Variants in ZFP64 observed in about 807,000 individuals in gnomAD.
ZFP64 encodes the protein ZFP64 zinc finger protein, also known as zinc finger protein 64.
A neutral mutation model predicts 51.6 loss-of-function variants in ZFP64; 14 were observed. That is an observed-to-expected ratio of 0.27 (90% confidence interval 0.18 to 0.42). The LOEUF (loss-of-function observed/expected upper bound fraction) is 0.42, where lower values mean the gene tolerates loss of function less well. Among genes scored for constraint, ZFP64 ranks in the 10% least tolerant of loss-of-function variants. ZFP64 has a pLI of 1.00. For missense variants in ZFP64, 754 were observed against 906.8 expected, an observed-to-expected ratio of 0.83 and a Z score of 2.16; for synonymous variants, 375 against 361.4, an observed-to-expected ratio of 1.04 and a Z score of -0.43.
intron 5 of ZFP64, among the ~76,000 whole-genome samples, chr20:52,099,254 G>C (rs1351286684): frequency 6.6e-6 from 1 of 151,752 alleles, no homozygotes; most frequent in Non-Finnish European, 1.5e-5. Flanking sequence ...GGGAGAGGTG[G>C]AATAAGATAA....
At chr20:52,166,197 TC>T (rs1474264998) in intron 2 of ZFP64, among the ~76,000 whole-genome samples, 172 bp from the exon 3 acceptor site, 1 of 137,230 alleles carries the variant, frequency 7.3e-6, no homozygotes, top group Non-Finnish European at 1.5e-5. Flanking sequence ...CTAGAGAGCA[TC>T]CGCTGGGAGA....
chr20:52,142,380 A>ACACACACACACACGTG (rs1177138816), intron 5 of ZFP64, among the ~76,000 whole-genome samples: 8 of 81,482 alleles, frequency 9.8e-5, no homozygotes, highest in African/African-American at 3.2e-4. Flanking sequence ...ACACACAGAC[A>ACACACACACACACGTG]CACACACACA....
chr20:52,094,316 G>C (rs778487239), intron 7 of ZFP64, among the ~76,000 whole-genome samples: 1 of 152,246 alleles, frequency 6.6e-6, no homozygotes, highest in Non-Finnish European at 1.5e-5. Flanking sequence ...AACTGTTTCA[G>C]AGCATAGAGA....
At chr20:52,190,172 A>C (rs1213628412) in intron 1 of ZFP64, among the ~76,000 whole-genome samples, 1 of 152,214 alleles carries the variant, frequency 6.6e-6, no homozygotes, top group Non-Finnish European at 1.5e-5. Flanking sequence ...GGAAGGAAGG[A>C]AACCTTTTCT....
rs1397031134 is a variant in ZFP64, at chr20:52,151,699, T to G, written c.*447A>C. ...GTGTTAAAAAAATTATAGTAAGCAG[T>G]ATAAAATTACAATTTATTATGGGGC... On this transcript the variant is annotated 3_prime_UTR_variant, in exon 6 of 6. Coordinates refer to ENST00000216923, the MANE Select transcript of ZFP64 (RefSeq NM_018197.3). The G allele has an allele frequency of 3.0e-6, 3 of 996,734 alleles. No homozygotes were observed. Among genetic ancestry groups the G allele is most frequent in the African/African-American group, 3.5e-5 (2 of 57,368 alleles). 61.7% of individuals were successfully genotyped at this position (996,734 alleles called of 1,614,324 possible).
chr20:52,179,836 C>T (rs1156992674), intron 2 of ZFP64, among the ~76,000 whole-genome samples: 2 of 152,198 alleles, frequency 1.3e-5, no homozygotes, highest in African/African-American at 4.8e-5. Flanking sequence ...CCATCAGAGG[C>T]ACCAGCAAGT....
exon 9 of ZFP64, chr20:52,084,111 A>G (rs2078838710): frequency 6.3e-6 from 1 of 157,734 alleles, no homozygotes; most frequent in South Asian, 2.1e-4. Context: ...GTTATGAAAT[A>G]GAAGTTTTCC....
intron 5 of ZFP64, among the ~76,000 whole-genome samples, chr20:52,138,059 A>ATAAATAAATT (rs1568671776): frequency 6.0e-4 from 79 of 132,356 alleles, no homozygotes; most frequent in African/African-American, 2.2e-3. Flanking sequence ...ATAAATAAGC[A>ATAAATAAATT]AGCCAGGCAT....
chr20:52,124,584 T>C (rs886678875), intron 5 of ZFP64, among the ~76,000 whole-genome samples: 1 of 152,054 alleles, frequency 6.6e-6, no homozygotes, highest in Non-Finnish European at 1.5e-5. Flanking sequence ...TACAAAAATA[T>C]TGTAAAAAAG....
At chr20:52,108,791 G>A (rs1978390132) in intron 5 of ZFP64, among the ~76,000 whole-genome samples, 1 of 151,786 alleles carries the variant, frequency 6.6e-6, no homozygotes. Flanking sequence ...TTACAGGTGT[G>A]AGCCACTGCG....
chr20:52,128,468 T>C (rs1174292241), intron 5 of ZFP64, among the ~76,000 whole-genome samples: 1 of 152,134 alleles, frequency 6.6e-6, no homozygotes, highest in African/African-American at 2.4e-5. Context: ...GCAACTAACC[T>C]GAAAACAGGA....
chr20:52,177,858 C>A (rs982793420), intron 2 of ZFP64, among the ~76,000 whole-genome samples: 8 of 151,968 alleles, frequency 5.3e-5, no homozygotes, highest in East Asian at 3.9e-4. Flanking sequence ...TGGTGAAACC[C>A]CGTCACTACT....
intron 5 of ZFP64, among the ~76,000 whole-genome samples, chr20:52,143,337 A>G (rs965696265): frequency 1.4e-5 from 2 of 142,284 alleles, no homozygotes; most frequent in Non-Finnish European, 3.1e-5. Context: ...CATCCCTAAA[A>G]CTGAAATAAC....
chr20:52,134,010 C>G (rs1265594712), intron 5 of ZFP64, among the ~76,000 whole-genome samples: 1 of 125,322 alleles, frequency 8.0e-6, no homozygotes, highest in Admixed American at 9.5e-5. Flanking sequence ...GCCTGGGCAA[C>G]AGAGTGAGAT....
chr20:52,149,310 C>T (rs1369211127), downstream of ZFP64, among the ~76,000 whole-genome samples: 1 of 148,342 alleles, frequency 6.7e-6, no homozygotes, highest in Non-Finnish European at 1.5e-5. Flanking sequence ...TGAGAGTTTA[C>T]TGGGGCAGTC....
At chr20:52,088,259 A>G (rs2078885073) in intron 8 of ZFP64, 1 of 1,396,874 alleles carries the variant, frequency 7.2e-7, no homozygotes, top group African/African-American at 1.5e-5. Flanking sequence ...AAATCTCACA[A>G]TTATCACAGA....
intron 5 of ZFP64, among the ~76,000 whole-genome samples, chr20:52,119,529 A>AT (rs1555802540): frequency 2.0e-3 from 149 of 75,208 alleles, no homozygotes; most frequent in African/African-American, 8.9e-3. Context: ...CTAAAAAAAA[A>AT]AAAAATATAT....
At chr20:52,190,572 C>T (rs73132354) in intron 1 of ZFP64, among the ~76,000 whole-genome samples, 11 of 152,238 alleles carry the variant, frequency 7.2e-5, no homozygotes, top group Non-Finnish European at 1.6e-4. Context: ...CAGCATGTTA[C>T]CTGCTGGGTT....
intron 5 of ZFP64, among the ~76,000 whole-genome samples, chr20:52,106,390 C>T (rs762442203): frequency 3.3e-5 from 5 of 152,144 alleles, no homozygotes; most frequent in Non-Finnish European, 7.3e-5. Context: ...CTGAGAATCA[C>T]GTGGGGGCCC....
Sources: allele counts gnomAD v4.1 joint callset (sites outside exome capture counted in the v4.1 genomes callset), GRCh38; gene constraint gnomAD v4.1.1; transcripts MANE v1.5; gene names NCBI Gene and HGNC (gene_info 2026-07-23, HGNC 2026-07-21).